The following TMEM150C variants were observed in gnomAD, a reference collection of about 807,000 sequenced individuals.
TMEM150C encodes tentonin 3.
Under a neutral mutation model 29.9 loss-of-function variants are expected in TMEM150C, and 10 were observed. The ratio of observed to expected loss-of-function variants is 0.33; its 90% CI spans 0.21 to 0.57. TMEM150C has a LOEUF of 0.57. Among genes scored for constraint, TMEM150C ranks in the 20% least tolerant of loss-of-function variants. TMEM150C has a pLI of 0.88. For missense variants in TMEM150C, 251 were observed against 303.6 expected (o/e 0.83, Z 1.29); for synonymous variants, 101 against 112.5 (o/e 0.90, Z 0.64).
intron 6 of TMEM150C, chr4:82,495,577 C>T (rs767510861): frequency 2.0e-5 from 7 of 350,922 alleles, no homozygotes; most frequent in Non-Finnish European, 3.9e-5. Context: ...GATTGGCATC[C>T]ACAGTGCAAC....
Position 82,504,600 on chromosome 4 carries a change from T to A in TMEM150C, c.58A>T (p.Thr20Ser). Residue 20 changes from threonine (T) to serine (S), a missense_variant, in exon 2 of 8, where the codon ACT becomes TCT. By Grantham distance (58) the Thr-to-Ser change is moderately conservative. Transcript: ENST00000449862. ...CACACTATCCACAATCCAGCTGAAG[T>A]AAACAAAGTAAATACAAGAGGTAGG... ...MFLPLVFTLF[T>S]SAGLWIVYFI... is the part of the protein sequence containing the mutation. The A allele has an allele frequency of 6.2e-7, 1 of 1,613,386 alleles. No homozygotes were observed. Among genetic ancestry groups the A allele is most frequent in the Non-Finnish European group, 8.5e-7 (1 of 1,179,492 alleles).
At chr4:82,539,992 T>C (rs1038790707) in intron 1 of TMEM150C, among the ~76,000 whole-genome samples, 2 of 152,048 alleles carry the variant, frequency 1.3e-5, no homozygotes, top group Non-Finnish European at 2.9e-5. Context: ...AGGAGATTAG[T>C]TTGGAATTTG....
intron 1 of TMEM150C, among the ~76,000 whole-genome samples, chr4:82,555,963 CACATAT>C (rs1176828754): frequency 1.3e-5 from 2 of 152,204 alleles, no homozygotes; most frequent in Non-Finnish European, 2.9e-5. Flanking sequence ...AACCGGTATA[CACATAT>C]ACACTTATGT....
At chr4:82,511,200 G>T (rs1324484322) in intron 1 of TMEM150C, among the ~76,000 whole-genome samples, 1 of 152,118 alleles carries the variant, frequency 6.6e-6, no homozygotes, top group Non-Finnish European at 1.5e-5. Context: ...AATTAATGAG[G>T]CCAATCCCCC....
intron 1 of TMEM150C, among the ~76,000 whole-genome samples, chr4:82,535,828 A>G (rs1560495308): frequency 1.3e-5 from 2 of 152,208 alleles, no homozygotes; most frequent in Admixed American, 1.3e-4. Flanking sequence ...CAGAGGCACT[A>G]TTAACATTTT....
At chr4:82,538,344 C>T (rs56126240) in intron 1 of TMEM150C, among the ~76,000 whole-genome samples, 1,619 of 152,196 alleles carry the variant, frequency 0.011, 24 homozygotes, top group African/African-American at 0.037. Flanking sequence ...AGGCATGAGC[C>T]GCCGCACCCA....
intron 6 of TMEM150C, 79 bp downstream of exon 6, chr4:82,495,989 T>C: frequency 6.3e-7 from 1 of 1,577,248 alleles, no homozygotes; most frequent in Non-Finnish European, 8.7e-7. Flanking sequence ...ATGGTGATTA[T>C]ACCTCAATAG....
chr4:82,495,614 C>A, intron 6 of TMEM150C: 1 of 351,290 alleles, frequency 2.8e-6, no homozygotes, highest in South Asian at 2.6e-5. Flanking sequence ...CTTTCTTTCT[C>A]CAGCTTTCCT....
At chr4:82,531,326 A>T (rs1190046711) in intron 1 of TMEM150C, among the ~76,000 whole-genome samples, 1 of 152,218 alleles carries the variant, frequency 6.6e-6, no homozygotes, top group Non-Finnish European at 1.5e-5. Context: ...TTTGGAAGTC[A>T]GCTGCATAGA....
chr4:82,489,277 C>A (rs1206535067), intron 7 of TMEM150C, among the ~76,000 whole-genome samples: 1 of 152,034 alleles, frequency 6.6e-6, no homozygotes, highest in Non-Finnish European at 1.5e-5. Flanking sequence ...GAGGCCACTG[C>A]ACTCCATCCT....
At chr4:82,525,379 T>C (rs1724620362) in intron 1 of TMEM150C, among the ~76,000 whole-genome samples, 1 of 152,182 alleles carries the variant, frequency 6.6e-6, no homozygotes, top group African/African-American at 2.4e-5. Flanking sequence ...AACTGTATTG[T>C]TTCCAAAGTC....
chr4:82,557,808 A>G (rs6818656), intron 1 of TMEM150C, among the ~76,000 whole-genome samples: 6,425 of 146,414 alleles, frequency 0.044, 438 homozygotes, highest in African/African-American at 0.15. Context: ...ATCTTGGCTC[A>G]CTGCAACCTC....
intron 1 of TMEM150C, among the ~76,000 whole-genome samples, chr4:82,519,009 TGAA>T (rs1413054950): frequency 2.0e-5 from 3 of 152,226 alleles, no homozygotes; most frequent in Non-Finnish European, 4.4e-5. Context: ...ATTCATTGAC[TGAA>T]GAAGTTGAAC....
At chr4:82,507,727 CTTTTTTTTTTTTTTT>C (rs869112887) in intron 1 of TMEM150C, among the ~76,000 whole-genome samples, 343 of 20,492 alleles carry the variant, frequency 0.017, no homozygotes, top group East Asian at 0.022. Context: ...CTCTCTCTCT[CTTTTTTTTTTTTTTT>C]TTTTTTTTTT....
chr4:82,552,606 C>T (rs1335106467), intron 1 of TMEM150C, among the ~76,000 whole-genome samples: 1 of 152,104 alleles, frequency 6.6e-6, no homozygotes. Flanking sequence ...TGTTGCCTAG[C>T]CAGTAGAGCA....
chr4:82,556,553 C>T (rs1725743439), intron 1 of TMEM150C, among the ~76,000 whole-genome samples: 1 of 152,126 alleles, frequency 6.6e-6, no homozygotes, highest in Admixed American at 6.5e-5. Flanking sequence ...GTGGCACACG[C>T]CTGTAGTTCC....
At chr4:82,561,848 G>A (rs1725947404) in intron 1 of TMEM150C, 58 bp downstream of exon 1, 2 of 976,910 alleles carry the variant, frequency 2.0e-6, no homozygotes, top group African/African-American at 1.8e-5. Context: ...ACGGGGCCGG[G>A]CCGGACGCCC....
At chr4:82,518,497 C>T (rs982304487) in intron 1 of TMEM150C, among the ~76,000 whole-genome samples, 2 of 152,174 alleles carry the variant, frequency 1.3e-5, no homozygotes, top group African/African-American at 4.8e-5. Context: ...CCCTTTACAG[C>T]TTTTTATGCC....
intron 1 of TMEM150C, among the ~76,000 whole-genome samples, chr4:82,547,570 C>T (rs779860656): frequency 4.0e-5 from 6 of 151,192 alleles, no homozygotes; most frequent in African/African-American, 9.7e-5. Context: ...ACCTGGGCAT[C>T]GCAGCAAGAC....
Sources: gnomAD v4.1 joint callset for allele counts (sites outside exome capture counted in the v4.1 genomes callset) on GRCh38, gnomAD v4.1.1 for gene constraint, MANE v1.5 for transcripts, NCBI Gene and HGNC (gene_info 2026-07-23, HGNC 2026-07-21) for gene names.